The following PDE5A variants were observed in gnomAD, a reference collection of about 807,000 sequenced individuals.
PDE5A encodes the protein phosphodiesterase 5A.
PDE5A carries 67 observed loss-of-function variants against 110.2 expected under a neutral mutation model. The observed-to-expected ratio is 0.61, with a 90% confidence interval of 0.50 to 0.75. The LOEUF is 0.75. Among genes scored for constraint, PDE5A ranks in the 30% least tolerant of loss-of-function variants. The probability of loss-of-function intolerance (pLI) is 0.00; values close to 1 mark genes in which losing one functional copy is unlikely to be tolerated. For missense variants in PDE5A, 862 were observed against 1,045.1 expected (o/e 0.82, Z 2.42); for synonymous variants, 328 against 351.2 (o/e 0.93, Z 0.74).
intron 9 of PDE5A, among the ~76,000 whole-genome samples, chr4:119,547,438 C>T (rs916778963): frequency 1.3e-5 from 2 of 151,726 alleles, no homozygotes; most frequent in African/African-American, 4.8e-5. Flanking sequence ...TTTTCTTCTA[C>T]TTTCTTTCTT....
chr4:119,520,834 TA>T lies in PDE5A; in HGVS notation c.1905+100del, dbSNP rs2110469830. On this transcript the variant is annotated intron_variant, in intron 13 of 20. Transcript: ENST00000354960. ...ATGTAAGTGGCAGCAAATATTATTTTAAATCATTGTGCACCTTAAAGTGAAA... is the reference window on the plus strand; with the variant it reads ...ATGTAAGTGGCAGCAAATATTATTTTAATCATTGTGCACCTTAAAGTGAAA... The T allele has an allele frequency of 6.1e-6, 6 of 985,170 alleles. No individual in the cohort carries two copies. In the East Asian group the frequency reaches 1.3e-4, roughly 21 times the overall value. The allele number at this position is 985,170 out of a possible 1,614,324, so 61.0% of individuals were successfully genotyped here. A position where few individuals can be genotyped will look rare whatever the true frequency, so the allele number is the denominator to read the frequency against.
intron 3 of PDE5A, among the ~76,000 whole-genome samples, chr4:119,594,195 A>C (rs868549948): frequency 2.3e-4 from 35 of 152,270 alleles, no homozygotes; most frequent in African/African-American, 7.5e-4. Flanking sequence ...GGAAGAATGT[A>C]TATCCTGAGG....
intron 9 of PDE5A, among the ~76,000 whole-genome samples, chr4:119,552,290 C>A (rs962325837): frequency 2.0e-5 from 3 of 152,110 alleles, no homozygotes; most frequent in Non-Finnish European, 4.4e-5. Flanking sequence ...CTTATACAGT[C>A]TACCAAATTT....
rs1218268426 is a variant in PDE5A, at chr4:119,628,718, C to A, written c.-47G>T. The A allele has an allele frequency of 6.2e-7, 1 of 1,600,396 alleles. No individual in the cohort carries two copies. Among genetic ancestry groups the A allele is most frequent in the Non-Finnish European group, 8.5e-7 (1 of 1,177,854 alleles). On this transcript the variant is annotated 5_prime_UTR_variant, in exon 1 of 21. Transcript: ENST00000354960. ...AGGCTCTCTGGTACTGCTTTTCCAC[C>A]CCAGCTGGGGTCCGTCCCTCAGAAG...
chr4:119,621,552 T>A (rs893866207), intron 1 of PDE5A, among the ~76,000 whole-genome samples: 4 of 152,074 alleles, frequency 2.6e-5, no homozygotes, highest in African/African-American at 7.2e-5. Context: ...CATGAACAAA[T>A]GGATACATGG....
intron 3 of PDE5A, among the ~76,000 whole-genome samples, chr4:119,594,679 A>C (rs1000830519): frequency 6.6e-6 from 1 of 152,236 alleles, no homozygotes; most frequent in African/African-American, 2.4e-5. Flanking sequence ...AAACTAATTA[A>C]TTAATCTCAT....
chr4:119,624,991 T>C (rs1324433624), intron 1 of PDE5A, among the ~76,000 whole-genome samples: 1 of 150,974 alleles, frequency 6.6e-6, no homozygotes, highest in East Asian at 1.9e-4. Context: ...TTGTGATAAC[T>C]AAAAAGCTCC....
intron 9 of PDE5A, among the ~76,000 whole-genome samples, chr4:119,547,060 C>T (rs550324580): frequency 6.8e-6 from 1 of 147,098 alleles, no homozygotes; most frequent in Middle Eastern, 3.7e-3. Context: ...TTATTTCAAC[C>T]TTGCCTCCCT....
At chr4:119,603,234 C>T (rs112579554) in intron 2 of PDE5A, among the ~76,000 whole-genome samples, 3 of 152,154 alleles carry the variant, frequency 2.0e-5, no homozygotes, top group Admixed American at 6.5e-5. Context: ...TCATAAATGC[C>T]GTGCCAAGCC....
At chr4:119,575,080 G>A (rs1728284196) in intron 3 of PDE5A, among the ~76,000 whole-genome samples, 1 of 152,170 alleles carries the variant, frequency 6.6e-6, no homozygotes, top group African/African-American at 2.4e-5. Context: ...GGAAGAAAGG[G>A]TATCAGTGAT....
intron 3 of PDE5A, among the ~76,000 whole-genome samples, chr4:119,572,798 A>C (rs1728188694): frequency 6.6e-6 from 1 of 152,304 alleles, no homozygotes; most frequent in African/African-American, 2.4e-5. Flanking sequence ...AGACGCATTG[A>C]CAACTACTGA....
intron 3 of PDE5A, among the ~76,000 whole-genome samples, chr4:119,570,312 G>A (rs559801284): frequency 4.1e-4 from 62 of 152,224 alleles, no homozygotes; most frequent in Non-Finnish European, 6.0e-4. Flanking sequence ...TTTAATGACA[G>A]CTTTTACTCT....
At chr4:119,512,627 T>A (rs188771746) in intron 14 of PDE5A, among the ~76,000 whole-genome samples, 15 of 152,074 alleles carry the variant, frequency 9.9e-5, no homozygotes, top group Admixed American at 7.9e-4. Flanking sequence ...TAATGACTCC[T>A]GACTAGGAGT....
In PDE5A at chr4:119,507,675, A is replaced by G; in HGVS notation, c.2118T>C (p.Ile706=). 6.3e-7 allele frequency: 1 copy of G among 1,589,302 alleles called. No individual in the cohort carries two copies. Residue 706 remains isoleucine, a synonymous_variant, in exon 16 of 21, where the codon ATT becomes ATC. Transcript: ENST00000354960. ...TTTTCAACGTGGTCTTATATTCTTC[A>G]ATGGAGAGGCCACTGAGAATCTGAT... ...PGNQILSGLS[I]EEYKTTLKII...
chr4:119,507,609 G>A lies in PDE5A; in HGVS notation c.2184C>T (p.Tyr728=), dbSNP rs1438789351. The A allele has an allele frequency of 1.3e-6, 2 of 1,554,612 alleles. No individual in the cohort carries two copies. The highest frequency in any genetic ancestry group is 1.7e-6 in the Non-Finnish European group (2 of 1,146,994). ...GGTTATTTCTTAAAACTTACTTAAT[G>A]TACAGTGCTAGGTCTGTAGCTAAAA... ...QAILATDLAL[Y]IKRRGEFFEL... The change falls in exon 16 of 21, where the codon TAC becomes TAT. Residue 728 remains tyrosine, a synonymous_variant. Coordinates refer to ENST00000354960, the MANE Select transcript of PDE5A (RefSeq NM_001083.4).
chr4:119,553,658 C>T lies in PDE5A; in HGVS notation c.1288G>A (p.Asp430Asn), dbSNP rs749396832. Residue 430 changes from aspartate (D) to asparagine (N), a missense_variant, in exon 8 of 21, where the codon GAT becomes AAT. By Grantham distance (23) the Asp-to-Asn change is conservative. Transcript: ENST00000354960. ...CTTACTGTCCAGGGAAATCTTTTAT[C>T]CTTACTGACATCTGGGATATTAAGT... ...EPLNIPDVSK[D>N]KRFPWTTENT... The T allele has an allele frequency of 6.4e-7, 1 of 1,569,926 alleles. No individual in the cohort carries two copies. Among genetic ancestry groups the T allele is most frequent in the East Asian group, 2.2e-5 (1 of 44,526 alleles).
At chr4:119,583,445 G>A (rs1388530577) in intron 3 of PDE5A, among the ~76,000 whole-genome samples, 3 of 152,144 alleles carry the variant, frequency 2.0e-5, no homozygotes, top group Non-Finnish European at 4.4e-5. Context: ...TCAGCAATAA[G>A]GCTATTTGAC....
chr4:119,506,054 T>G, intron 16 of PDE5A, 122 bp from the exon 17 acceptor site: 1 of 474,906 alleles, frequency 2.1e-6, no homozygotes, highest in Non-Finnish European at 3.8e-6. Flanking sequence ...TTTCCCATCT[T>G]AGAGCCCACT....
chr4:119,608,768 A>G (rs1230666980), intron 1 of PDE5A, among the ~76,000 whole-genome samples: 1 of 152,214 alleles, frequency 6.6e-6, no homozygotes, highest in Admixed American at 6.5e-5. Context: ...GACTGTTTAT[A>G]CCAAACAAAA....
Sources: gnomAD v4.1 joint callset for allele counts (sites outside exome capture counted in the v4.1 genomes callset) on GRCh38, gnomAD v4.1.1 for gene constraint, MANE v1.5 for transcripts, NCBI Gene and HGNC (gene_info 2026-07-23, HGNC 2026-07-21) for gene names.